NTN1: variants seen among roughly 807,000 people sequenced by gnomAD.
The protein encoded by NTN1 is netrin-1.
NTN1 carries 11 observed loss-of-function variants against 54.2 expected under a neutral mutation model. The ratio of observed to expected loss-of-function variants is 0.20; its 90% CI spans 0.13 to 0.34. NTN1 has a LOEUF of 0.34. NTN1 is among the 10% of genes least tolerant of loss of function. The probability of loss-of-function intolerance (pLI) is 1.00; values close to 1 mark genes in which losing one functional copy is unlikely to be tolerated. For synonymous variants in NTN1, 371 were observed against 382.0 expected (o/e 0.97, Z 0.33); for missense variants, 740 against 893.1 (o/e 0.83, Z 2.18).
chr17:9,051,361 T>C (rs1298363486), intron 2 of NTN1, among the ~76,000 whole-genome samples: 1 of 152,078 alleles, frequency 6.6e-6, no homozygotes, highest in African/African-American at 2.4e-5. Context: ...CGGGATTGCT[T>C]CTGTTGCTGA....
chr17:9,238,141 C>T (rs963995318), intron 6 of NTN1, among the ~76,000 whole-genome samples: 1 of 152,078 alleles, frequency 6.6e-6, no homozygotes, highest in Non-Finnish European at 1.5e-5. Context: ...CCCCCAGAGA[C>T]GTTGACAGAA....
At chr17:9,027,330 C>T (rs1485096897) in intron 2 of NTN1, among the ~76,000 whole-genome samples, 2 of 152,102 alleles carry the variant, frequency 1.3e-5, no homozygotes, top group Non-Finnish European at 2.9e-5. Flanking sequence ...ATTTAATCAC[C>T]GTGACTACGC....
At chr17:9,013,816 C>T in the NTN1 span, among the ~76,000 whole-genome samples, 1 of 152,128 alleles carries the variant, frequency 6.6e-6, no homozygotes, top group African/African-American at 2.4e-5. Context: ...TTTCTTTGCA[C>T]CCTTTGTTCC....
chr17:9,072,068 G>T (rs984769810), intron 2 of NTN1, among the ~76,000 whole-genome samples: 1 of 152,170 alleles, frequency 6.6e-6, no homozygotes, highest in African/African-American at 2.4e-5. Flanking sequence ...GCTGGGAGTA[G>T]GATCTCTGCC....
intron 6 of NTN1, among the ~76,000 whole-genome samples, chr17:9,224,273 G>C (rs558176184): frequency 9.5e-4 from 144 of 152,204 alleles, no homozygotes; most frequent in African/African-American, 3.4e-3. Flanking sequence ...CTCTCTGTCT[G>C]CCGAACCTGA....
intron 2 of NTN1, among the ~76,000 whole-genome samples, chr17:9,077,279 G>A (rs1450778885): frequency 1.3e-5 from 2 of 152,162 alleles, no homozygotes; most frequent in Non-Finnish European, 2.9e-5. Context: ...GCCAGGAAGA[G>A]GAACAGGGTT....
chr17:9,039,818 A>G (rs1005243771), intron 2 of NTN1, among the ~76,000 whole-genome samples: 1 of 152,182 alleles, frequency 6.6e-6, no homozygotes, highest in African/African-American at 2.4e-5. Flanking sequence ...AAGTGCATTA[A>G]TAGTTCAATC....
intron 3 of NTN1, among the ~76,000 whole-genome samples, chr17:9,163,932 G>A (rs990310430): frequency 1.3e-5 from 2 of 152,214 alleles, no homozygotes; most frequent in African/African-American, 4.8e-5. Context: ...GCAACACCTC[G>A]GCATGGGTGG....
At chr17:9,102,952 C>T (rs919397610) in intron 2 of NTN1, among the ~76,000 whole-genome samples, 3 of 152,104 alleles carry the variant, frequency 2.0e-5, no homozygotes, top group Admixed American at 6.5e-5. Context: ...TATTGGCTAC[C>T]CTGGCTGGAT....
chr17:9,185,267 G>A (rs762694994), intron 5 of NTN1, among the ~76,000 whole-genome samples: 23 of 152,182 alleles, frequency 1.5e-4, no homozygotes, highest in Non-Finnish European at 2.8e-4. Context: ...CTCAGCGTCT[G>A]AGACATTGCA....
At chr17:9,044,337 C>T (rs963272084) in intron 2 of NTN1, among the ~76,000 whole-genome samples, 1 of 151,868 alleles carries the variant, frequency 6.6e-6, no homozygotes, top group Admixed American at 6.6e-5. Flanking sequence ...CAAGTTCAAG[C>T]TATTCTCCTG....
intron 5 of NTN1, among the ~76,000 whole-genome samples, chr17:9,199,475 C>T (rs565678089): frequency 6.6e-6 from 1 of 152,264 alleles, no homozygotes; most frequent in Non-Finnish European, 1.5e-5. Context: ...CAGTCCATCA[C>T]AGCCCTGGAT....
intron 3 of NTN1, chr17:9,179,235 C>G (rs2092410669): frequency 6.6e-6 from 1 of 152,636 alleles, no homozygotes; most frequent in South Asian, 2.1e-4. Flanking sequence ...ATTCAGAAGG[C>G]TGCCTGGCTG....
At chr17:9,153,788 G>A (rs986842904) in intron 2 of NTN1, among the ~76,000 whole-genome samples, 5 of 152,164 alleles carry the variant, frequency 3.3e-5, no homozygotes, top group Non-Finnish European at 5.9e-5. Flanking sequence ...GCATCTCGAA[G>A]TGCCACATCT....
At chr17:9,223,727 A>G (rs1178227095) in intron 6 of NTN1, among the ~76,000 whole-genome samples, 1 of 152,160 alleles carries the variant, frequency 6.6e-6, no homozygotes, top group Admixed American at 6.5e-5. Flanking sequence ...AGGACGCCCA[A>G]GGCTCTTGTA....
intron 2 of NTN1, among the ~76,000 whole-genome samples, chr17:9,074,105 C>T (rs908197327): frequency 2.0e-5 from 3 of 152,126 alleles, no homozygotes; most frequent in Admixed American, 6.5e-5. Flanking sequence ...GGTCTTTTGG[C>T]GCCAAGAGGG....
At chr17:9,205,550 G>A (rs903267335) in intron 5 of NTN1, among the ~76,000 whole-genome samples, 1 of 152,256 alleles carries the variant, frequency 6.6e-6, no homozygotes, top group South Asian at 2.1e-4. Context: ...TGGAGCCCAC[G>A]GGTTCGAGGC....
At chr17:9,127,722 A>C (rs990705867) in intron 2 of NTN1, among the ~76,000 whole-genome samples, 7 of 152,176 alleles carry the variant, frequency 4.6e-5, no homozygotes, top group Admixed American at 2.0e-4. Flanking sequence ...CTGAGAAAAC[A>C]TGTGCCACCA....
At chr17:9,043,753 T>G (rs553808491) in intron 2 of NTN1, among the ~76,000 whole-genome samples, 1 of 151,996 alleles carries the variant, frequency 6.6e-6, no homozygotes, top group Admixed American at 6.6e-5. Flanking sequence ...GCTAATTTTG[T>G]GTTTTTAGTA....
Sources: gnomAD v4.1 joint callset for allele counts (sites outside exome capture counted in the v4.1 genomes callset) on GRCh38, gnomAD v4.1.1 for gene constraint, MANE v1.5 for transcripts, NCBI Gene and HGNC (gene_info 2026-07-23, HGNC 2026-07-21) for gene names.